NHSL1: variants seen among roughly 807,000 people sequenced by gnomAD.
The protein encoded by NHSL1 is NHS like 1.
A neutral mutation model predicts 95.0 loss-of-function variants in NHSL1; 48 were observed. The ratio of observed to expected loss-of-function variants is 0.51; its 90% CI spans 0.40 to 0.64. NHSL1 has a LOEUF of 0.64. Ranked by LOEUF, NHSL1 falls within the 30% of genes least tolerant of loss-of-function variation. The pLI is 0.00. For missense variants in NHSL1, 1,971 were observed against 2,077.7 expected (o/e 0.95, Z 1.00); for synonymous variants, 783 against 833.9 (o/e 0.94, Z 1.05).
intron 1 of NHSL1, among the ~76,000 whole-genome samples, chr6:138,642,052 T>C (rs1266316657): frequency 2.6e-5 from 4 of 151,592 alleles, no homozygotes; most frequent in Non-Finnish European, 5.9e-5. Flanking sequence ...AAACTTTCTC[T>C]TATAACCCAT....
chr6:138,655,049 T>C (rs1464064845), intron 1 of NHSL1, among the ~76,000 whole-genome samples: 3 of 152,260 alleles, frequency 2.0e-5, no homozygotes, highest in Admixed American at 6.5e-5. Flanking sequence ...ATCCATAACA[T>C]ATTCACCCAC....
At chr6:138,655,876 C>T (rs1359969361) in intron 1 of NHSL1, among the ~76,000 whole-genome samples, 3 of 152,148 alleles carry the variant, frequency 2.0e-5, no homozygotes, top group Admixed American at 6.5e-5. Context: ...CTAGGGCAGC[C>T]GTGTGCCCTG....
At chr6:138,543,167 C>T (rs564846804) in intron 1 of NHSL1, among the ~76,000 whole-genome samples, 124 of 152,242 alleles carry the variant, frequency 8.1e-4, no homozygotes, top group African/African-American at 2.9e-3. Context: ...TAATTCACTT[C>T]CCAGACCATA....
intron 1 of NHSL1, among the ~76,000 whole-genome samples, chr6:138,619,973 A>C (rs534859893): frequency 6.7e-6 from 1 of 149,780 alleles, no homozygotes; most frequent in Non-Finnish European, 1.5e-5. Flanking sequence ...AAAAAATAGC[A>C]ATCTCCAAGT....
Position 138,430,877 on chromosome 6 carries a change from A to G in NHSL1, c.3468T>C (p.Arg1156=), listed in dbSNP as rs1227596143. 1.3e-6 allele frequency: 2 copies of G among 1,551,266 alleles called. No individual in the cohort carries two copies. The highest frequency in any genetic ancestry group is 1.2e-5 in the South Asian group (1 of 84,038). ...SQGDHGSAAE[R]GGPVSRSPGA... is the part of the protein sequence containing the mutation. ...CAGGGCTGCGGCTCACAGGGCCACCACGCTCAGCCGCACTGCCATGGTCAC... is the reference window on the plus strand; with the variant it reads ...CAGGGCTGCGGCTCACAGGGCCACCGCGCTCAGCCGCACTGCCATGGTCAC... The change falls in exon 6 of 8, where the codon CGT becomes CGC. Residue 1156 remains arginine, a synonymous_variant. Coordinates refer to ENST00000343505, the MANE Select transcript of NHSL1 (RefSeq NM_001144060.2). The surrounding 1 kb of genome is among the most constrained non-coding windows in gnomAD (Gnocchi z 4.7).
intron 1 of NHSL1, among the ~76,000 whole-genome samples, chr6:138,508,150 C>T (rs188591773): frequency 8.5e-5 from 13 of 152,148 alleles, no homozygotes; most frequent in African/African-American, 2.6e-4. Flanking sequence ...AAACGAAAGG[C>T]GAGGCAGACA....
chr6:138,605,677 A>T (rs1045818297), intron 1 of NHSL1, among the ~76,000 whole-genome samples: 3 of 152,240 alleles, frequency 2.0e-5, no homozygotes, highest in African/African-American at 7.2e-5. Context: ...ATCAAAGAGA[A>T]GCATCATATG....
chr6:138,634,505 A>C (rs2114667603), intron 1 of NHSL1, among the ~76,000 whole-genome samples: 1 of 152,182 alleles, frequency 6.6e-6, no homozygotes, highest in East Asian at 1.9e-4. Context: ...CAGCAAGAGG[A>C]TATAACAATT....
At chr6:138,482,445 C>CAAAAAAA (rs34849976) in intron 2 of NHSL1, among the ~76,000 whole-genome samples, 2 of 81,238 alleles carry the variant, frequency 2.5e-5, no homozygotes, top group African/African-American at 9.7e-5. Flanking sequence ...GACTCCGTCT[C>CAAAAAAA]AAAAAAAAAA....
intron 1 of NHSL1, among the ~76,000 whole-genome samples, chr6:138,518,466 C>T (rs1781543542): frequency 7.1e-6 from 1 of 140,130 alleles, no homozygotes; most frequent in African/African-American, 2.6e-5. Context: ...GTAGAACGTC[C>T]ACAGGAATGA....
chr6:138,479,569 T>A (rs879291240), intron 2 of NHSL1, among the ~76,000 whole-genome samples: 8 of 152,204 alleles, frequency 5.3e-5, no homozygotes, highest in Non-Finnish European at 8.8e-5. Context: ...TGAGATTTCA[T>A]CACACTGCTC....
intron 3 of NHSL1, among the ~76,000 whole-genome samples, chr6:138,469,385 C>T (rs1778605229): frequency 6.6e-6 from 1 of 152,170 alleles, no homozygotes; most frequent in African/African-American, 2.4e-5. Context: ...ATTTCAGGAT[C>T]TTTGTCACTG....
chr6:138,463,188 T>C (rs182923774), intron 3 of NHSL1, among the ~76,000 whole-genome samples: 8 of 152,272 alleles, frequency 5.3e-5, no homozygotes, highest in African/African-American at 1.7e-4. Flanking sequence ...AAGGGCCTAT[T>C]GTCTTGTCTC....
intron 2 of NHSL1, among the ~76,000 whole-genome samples, chr6:138,492,245 T>C (rs1204135307): frequency 3.9e-5 from 6 of 151,944 alleles, no homozygotes; most frequent in Admixed American, 3.3e-4. Flanking sequence ...AGTGGGGGAG[T>C]GAGGGGACCT....
rs1207328721 is a variant in NHSL1, at chr6:138,638,758, C to T, written c.96+53718G>A. Among the ~76,000 whole-genome samples the T allele has an allele frequency of 2.0e-5, 3 of 152,346 alleles. No individual in the cohort carries two copies. In the East Asian group the frequency reaches 5.8e-4, roughly 29 times the overall value. ...GAGCTTTCATTGCACTAACTTCCAA[C>T]CCTCTGCTGTCTTCCCAGCCACTAT... On this transcript the variant is annotated intron_variant, in intron 1 of 3. Transcript: ENST00000491526.
intron 1 of NHSL1, among the ~76,000 whole-genome samples, chr6:138,665,657 C>T (rs1190903093): frequency 6.6e-6 from 1 of 152,154 alleles, no homozygotes; most frequent in Non-Finnish European, 1.5e-5. Flanking sequence ...ATACTAATTC[C>T]CTTTTTTCCA....
At chr6:138,591,970 C>T (rs999574187) in intron 1 of NHSL1, among the ~76,000 whole-genome samples, 1 of 152,122 alleles carries the variant, frequency 6.6e-6, no homozygotes, top group Non-Finnish European at 1.5e-5. Flanking sequence ...GGTTTTGGAA[C>T]CTATCCCTCA....
chr6:138,458,842 C>CAA (rs767005610), intron 3 of NHSL1, among the ~76,000 whole-genome samples: 2 of 119,934 alleles, frequency 1.7e-5, no homozygotes, highest in Non-Finnish European at 3.4e-5. Flanking sequence ...AAAAAAAAAA[C>CAA]AAAAAAAAAA....
intron 1 of NHSL1, among the ~76,000 whole-genome samples, chr6:138,523,293 T>C (rs559695888): frequency 6.6e-6 from 1 of 152,146 alleles, no homozygotes; most frequent in East Asian, 1.9e-4. Context: ...AGAGAGTTTT[T>C]AAATTTTGTT....
Sources: gnomAD v4.1 joint callset for allele counts (sites outside exome capture counted in the v4.1 genomes callset) on GRCh38, gnomAD v4.1.1 for gene constraint, Gnocchi (gnomAD v3.1) non-coding constraint, MANE v1.5 for transcripts, NCBI Gene and HGNC (gene_info 2026-07-23, HGNC 2026-07-21) for gene names.